Variants in CRYGN observed in about 807,000 individuals in gnomAD.
CRYGN encodes the protein gamma-crystallin N.
Under a neutral mutation model 19.2 loss-of-function variants are expected in CRYGN, and 17 were observed. That is an observed-to-expected ratio of 0.89 (90% CI 0.61 to 1.33). The LOEUF (loss-of-function observed/expected upper bound fraction) is 1.33, where lower values mean the gene tolerates loss of function less well. CRYGN is among the 40% of genes most tolerant of loss of function. The pLI is 0.00. For synonymous variants in CRYGN, 84 were observed against 85.8 expected (o/e 0.98, Z 0.12); for missense variants, 239 against 239.6 (o/e 1.00, Z 0.02).
Position 151,439,902 on chromosome 7 carries a change from C to T in CRYGN, c.16G>A (p.Gly6Arg), listed in dbSNP as rs1254050944. 2.6e-6 allele frequency: 4 copies of T among 1,555,514 alleles called. No individual in the cohort carries two copies. Among genetic ancestry groups the T allele is most frequent in the African/African-American group, 1.4e-5 (1 of 73,506 alleles). ...GGGTTGAGGGACGCACTCACCTTCC[C>T]CGAGCGCTGCGCCATGGTGCGCCCC... MAQRS[G>R]KITLYEGKHF... Residue 6 changes from glycine (G) to arginine (R), a missense_variant, in exon 1 of 4, where the codon GGG (glycine) becomes AGG (arginine). Physicochemically the swap from Gly to Arg is moderately radical, Grantham distance 125. Transcript: ENST00000337323.
rs917018377 is a variant in CRYGN at position 151,436,387 on chromosome 7, A to C, written c.271-62T>G. 2.1e-6 allele frequency: 3 copies of C among 1,442,780 alleles called. No homozygotes were observed. The highest frequency in any genetic ancestry group is 2.4e-5 in the Admixed American group (1 of 42,444). 89.4% of individuals were successfully genotyped at this position (1,442,780 alleles called of 1,614,324 possible). On this transcript the variant is annotated intron_variant, in intron 2 of 3. Coordinates refer to ENST00000337323, the MANE Select transcript of CRYGN (RefSeq NM_144727.3). The surrounding 1 kb of genome is among the most constrained non-coding windows in gnomAD (Gnocchi z 5.1). ...TTGCTGTGAATTCCCCTCTCCCAGAAACAGAAGCCCCATGCAGGAAGGAAT... is the reference window on the plus strand; with the variant it reads ...TTGCTGTGAATTCCCCTCTCCCAGACACAGAAGCCCCATGCAGGAAGGAAT...
At chr7:151,438,278 G>C (rs1219259060) in intron 1 of CRYGN, 34 bp from the exon 2 acceptor site, 2 of 1,579,382 alleles carry the variant, frequency 1.3e-6, no homozygotes, top group Non-Finnish European at 1.7e-6. Flanking sequence ...TCAGGGTCAG[G>C]GGCTTCTCTC....
At chr7:151,438,973 G>A (rs980470461) in intron 1 of CRYGN, 2 of 152,176 alleles carry the variant, frequency 1.3e-5, no homozygotes, top group Non-Finnish European at 2.9e-5. Flanking sequence ...ATAACAACCC[G>A]CCAGACTCAT....
At chr7:151,432,148 G>A (rs989543161) in intron 3 of CRYGN, 10 of 1,220,290 alleles carry the variant, frequency 8.2e-6, no homozygotes, top group East Asian at 3.2e-5. Context: ...GGGAGGGCTC[G>A]GCTGGAAGAA....
chr7:151,434,320 G>A (rs774890560), intron 3 of CRYGN, among the ~76,000 whole-genome samples: 3 of 152,078 alleles, frequency 2.0e-5, no homozygotes, highest in Non-Finnish European at 2.9e-5. Flanking sequence ...GGGGTGGGCC[G>A]GGGGGATTGT....
At chr7:151,437,140 A>T (rs1277359949) in intron 2 of CRYGN, among the ~76,000 whole-genome samples, 1 of 152,224 alleles carries the variant, frequency 6.6e-6, no homozygotes, top group Non-Finnish European at 1.5e-5. Context: ...ACAATTTGAG[A>T]TGCCAAAGCC....
At position 151,430,512 on chromosome 7, in the gene CRYGN, A is replaced by G. The variant is rs549694185; in HGVS notation, c.417-332T>C. Among the ~76,000 whole-genome samples the G allele has an allele frequency of 1.4e-4, 21 of 152,108 alleles. No homozygotes were observed. The highest frequency in any genetic ancestry group is 2.9e-4 in the Non-Finnish European group (20 of 68,008). On this transcript the variant is annotated intron_variant, in intron 3 of 3. Transcript: ENST00000337323. This position sits in a 1 kb window ranked among gnomAD's most constrained non-coding sequence, Gnocchi z 5.2. ...AGGTTGGAGGACACCCAGGAACGGG[A>G]CAGCCATCCCCTGGCCCACCACACT...
Position 151,436,228 on chromosome 7 carries a change from C to G in CRYGN, c.368G>C (p.Gly123Ala). 1.9e-6 allele frequency: 3 copies of G among 1,595,938 alleles called. No individual in the cohort carries two copies. The highest frequency in any genetic ancestry group is 2.6e-6 in the Non-Finnish European group (3 of 1,170,700). The change falls in exon 3 of 4, where the codon GGC becomes GCC. Residue 123 changes from glycine to alanine, a missense_variant. Gly to Ala is a moderately conservative substitution (Grantham distance 60, BLOSUM62 0). Transcript: ENST00000337323. The surrounding 1 kb of genome is among the most constrained non-coding windows in gnomAD (Gnocchi z 5.1). ...GGTGTTCACACAGTTCTTGACCCAG[C>G]CCCTGCTCTGGAGGAAGGGGCTGTC... Reference protein sequence around the residue: ...LEDSPFLQSRGWVKNCVNTIK... With the variant: ...LEDSPFLQSRAWVKNCVNTIK...
intron 2 of CRYGN, among the ~76,000 whole-genome samples, chr7:151,437,307 GC>G (rs1801638336): frequency 6.6e-6 from 1 of 152,110 alleles, no homozygotes; most frequent in African/African-American, 2.4e-5. Flanking sequence ...AGAGATGCAC[GC>G]CCCCAGGCTC....
chr7:151,436,363 T>C lies in CRYGN; in HGVS notation c.271-38A>G. On this transcript the variant is annotated intron_variant, in intron 2 of 3. Transcript: ENST00000337323. The surrounding 1 kb of genome is among the most constrained non-coding windows in gnomAD (Gnocchi z 5.1). ...GCAAAAAAGAAGGAAAGAAGGAGGT[T>C]GCTGTGAATTCCCCTCTCCCAGAAA... 35 of 1,395,506 alleles carry C rather than the reference T, an allele frequency of 2.5e-5. No individual in the cohort carries two copies. Among genetic ancestry groups the C allele is most frequent in the Middle Eastern group, 1.9e-4 (1 of 5,328 alleles). 86.4% of individuals were successfully genotyped at this position (1,395,506 alleles called of 1,614,324 possible).
chr7:151,431,481 G>A lies in CRYGN; in HGVS notation c.417-1301C>T, dbSNP rs1487874445. Among the ~76,000 whole-genome samples the A allele has an allele frequency of 1.3e-5, 2 of 152,156 alleles. No individual in the cohort carries two copies. The highest frequency in any genetic ancestry group is 4.8e-5 in the African/African-American group (2 of 41,438). ...ATTCTACAGGCGAGCGCTTGGTGCT[G>A]CACCAGCTGAAGACGCGAGCCGCCG... On this transcript the variant is annotated intron_variant, in intron 3 of 3. Coordinates refer to ENST00000337323, the MANE Select transcript of CRYGN (RefSeq NM_144727.3). This position sits in a 1 kb window ranked among gnomAD's most constrained non-coding sequence, Gnocchi z 4.8.
intron 2 of CRYGN, chr7:151,437,751 G>A (rs981444833): frequency 2.8e-5 from 36 of 1,264,070 alleles, no homozygotes; most frequent in Middle Eastern, 2.8e-4. Flanking sequence ...TTTTGGCTCC[G>A]AAACTTAAAG....
intron 1 of CRYGN, among the ~76,000 whole-genome samples, 199 bp from the exon 2 acceptor site, chr7:151,438,443 C>T (rs992223878): frequency 3.9e-5 from 6 of 152,240 alleles, no homozygotes; most frequent in Non-Finnish European, 5.9e-5. Flanking sequence ...TGATGCCATA[C>T]ACAGCTACTG....
chr7:151,435,414 T>C lies in CRYGN; in HGVS notation c.416+766A>G, dbSNP rs574262827. Among the ~76,000 whole-genome samples the C allele has an allele frequency of 6.6e-6, 1 of 152,274 alleles. No individual in the cohort carries two copies. The highest frequency in any genetic ancestry group is 2.1e-4 in the South Asian group (1 of 4,828). ...TAGAACGGGGGCGATAATATCTACC[T>C]GACCTAGAGGTGTGGGCTGGACAAT... On this transcript the variant is annotated intron_variant, in intron 3 of 3. Coordinates refer to ENST00000337323, the MANE Select transcript of CRYGN (RefSeq NM_144727.3). This position sits in a 1 kb window ranked among gnomAD's most constrained non-coding sequence, Gnocchi z 4.2.
In CRYGN at chr7:151,439,990, C is replaced by A; in HGVS notation, c.-73G>T. The A allele has an allele frequency of 6.9e-7, 1 of 1,443,058 alleles. No homozygotes were observed. The allele number at this position is 1,443,058 out of a possible 1,614,324, so 89.4% of individuals were successfully genotyped here. On this transcript the variant is annotated 5_prime_UTR_variant, in exon 1 of 4. Transcript: ENST00000337323. The stretch of plus-strand genomic sequence containing the variant: ...CCTGCTGGCTCAGCGCCGCCCCGGA[C>A]AAAAGATTTGCTGGGCCGGCCCCGG...
Position 151,439,889 on chromosome 7 carries a change from G to A in CRYGN, c.21+8C>T. ...CTCGGTTTCCTTGGGGTTGAGGGAC[G>A]CACTCACCTTCCCCGAGCGCTGCGC... On this transcript the variant is annotated splice_region_variant and intron_variant, in intron 1 of 3. Transcript: ENST00000337323. The A allele has an allele frequency of 6.4e-7, 1 of 1,556,100 alleles. No individual in the cohort carries two copies. The highest frequency in any genetic ancestry group is 8.7e-7 in the Non-Finnish European group (1 of 1,152,020).
At chr7:151,438,831 G>A (rs1309149611) in intron 1 of CRYGN, 1 of 153,302 alleles carries the variant, frequency 6.5e-6, no homozygotes. Context: ...TGTTTTGTAG[G>A]TCACTCCTTT....
At chr7:151,432,373 C>G in intron 3 of CRYGN, 1 of 743,484 alleles carries the variant, frequency 1.3e-6, no homozygotes, top group Non-Finnish European at 1.8e-6. Flanking sequence ...GGCCACCCAG[C>G]AACCCCTCCC....
chr7:151,438,268 T>C, intron 1 of CRYGN, 24 bp from the exon 2 acceptor site: 1 of 1,588,638 alleles, frequency 6.3e-7, no homozygotes, highest in Non-Finnish European at 8.6e-7. Context: ...GTTACAGAGC[T>C]CAGGGTCAGG....
Sources: gnomAD v4.1 joint callset for allele counts (sites outside exome capture counted in the v4.1 genomes callset) on GRCh38, gnomAD v4.1.1 for gene constraint, Gnocchi (gnomAD v3.1) non-coding constraint, MANE v1.5 for transcripts, NCBI Gene and HGNC (gene_info 2026-07-23, HGNC 2026-07-21) for gene names.